The following MICAL3 variants were observed in gnomAD, a reference collection of about 807,000 sequenced individuals.
The protein encoded by MICAL3 is [F-actin]-monooxygenase MICAL3.
MICAL3 carries 62 observed loss-of-function variants against 207.4 expected under a neutral mutation model. That is an observed-to-expected ratio of 0.30 (90% CI 0.24 to 0.37). The LOEUF (loss-of-function observed/expected upper bound fraction) is 0.37. Among genes scored for constraint, MICAL3 ranks in the 10% least tolerant of loss-of-function variants. The pLI is 1.00. For missense variants in MICAL3, 2,368 were observed against 2,635.6 expected (o/e 0.90, Z 2.22); for synonymous variants, 1,077 against 1,069.3 (o/e 1.01, Z -0.14).
chr22:18,017,630 G>A (rs1924146603), intron 1 of MICAL3, among the ~76,000 whole-genome samples: 1 of 151,470 alleles, frequency 6.6e-6, no homozygotes, highest in South Asian at 2.1e-4. Context: ...CTGTCACCTG[G>A]GCTGGAGTAC....
intron 1 of MICAL3, among the ~76,000 whole-genome samples, chr22:18,024,020 G>A (rs183565034): frequency 2.6e-4 from 39 of 152,314 alleles, no homozygotes; most frequent in Middle Eastern, 3.4e-3. Flanking sequence ...CAGGCTCTGG[G>A]GAGTGTGTGG....
At position 17,884,408 on chromosome 22, in the gene MICAL3, CAA is replaced by C. The variant is rs987137437; in HGVS notation, c.2241+1468_2241+1469del. On this transcript the variant is annotated intron_variant, in intron 16 of 31. Transcript: ENST00000441493. Reference sequence around the variant, plus strand: ...GTGGGGACAGGACATGGAGACAAAACAAAATAAAAATACATTAAGGTGGGAGA... The same window carrying C: ...GTGGGGACAGGACATGGAGACAAAACAATAAAAATACATTAAGGTGGGAGA... 3 of 1,394,456 alleles carry C rather than the reference CAA, an allele frequency of 2.2e-6. No individual in the cohort carries two copies. The African/African-American group carries it at 4.5e-5, about 21-fold the overall frequency. The allele number at this position is 1,394,456 out of a possible 1,614,324, so 86.4% of individuals were successfully genotyped here.
intron 1 of MICAL3, among the ~76,000 whole-genome samples, chr22:17,992,806 G>A (rs1201331893): frequency 1.3e-5 from 2 of 152,116 alleles, no homozygotes; most frequent in Non-Finnish European, 2.9e-5. Flanking sequence ...TTTATCTCAC[G>A]GGATTTGGAG....
At position 17,900,869 on chromosome 22, in the gene MICAL3, A is replaced by AT. The variant is rs1931265611; in HGVS notation, c.819dup (p.Phe274IlefsTer12). On this transcript the variant is annotated frameshift_variant, in exon 6 of 32. Coordinates refer to ENST00000441493, the MANE Select transcript of MICAL3 (RefSeq NM_015241.3). LOFTEE classifies it high-confidence loss of function. This position sits in a 1 kb window ranked among gnomAD's most constrained non-coding sequence, Gnocchi z 4.0. Reference sequence around the variant, plus strand: ...GTGGCTTCCCTCAGTTCCTGGAAAAATTTTTGGTTGAATATAAAAGCCACA... The same window carrying AT: ...GTGGCTTCCCTCAGTTCCTGGAAAAATTTTTTGGTTGAATATAAAAGCCACA... 1 of 1,613,782 alleles carries AT rather than the reference A, an allele frequency of 6.2e-7. No individual in the cohort carries two copies. Among genetic ancestry groups the AT allele is most frequent in the African/African-American group, 1.3e-5 (1 of 74,858 alleles).
At chr22:17,976,081 C>T (rs535121733) in intron 1 of MICAL3, among the ~76,000 whole-genome samples, 3 of 152,094 alleles carry the variant, frequency 2.0e-5, no homozygotes, top group Admixed American at 6.5e-5. Context: ...GGCTCAAAGC[C>T]GGAGCAAATA....
intron 22 of MICAL3, 110 bp downstream of exon 22, chr22:17,827,534 G>A (rs544621807): frequency 1.2e-5 from 15 of 1,232,292 alleles, no homozygotes; most frequent in Non-Finnish European, 1.5e-5. Context: ...TGGCTCCCGT[G>A]TGTGACCTCA....
At position 17,841,823 on chromosome 22, in the gene MICAL3, T is replaced by G. The variant is rs962742795; in HGVS notation, c.2800A>C (p.Ser934Arg). Residue 934 changes from serine (S) to arginine (R), a missense_variant and splice_region_variant, in exon 20 of 32, where the codon AGT (serine) becomes CGT (arginine). Transcript: ENST00000441493. This position sits in a 1 kb window ranked among gnomAD's most constrained non-coding sequence, Gnocchi z 4.2. ...CGCCCTGCAGCCCTGCGTGCTGACCTGCTGGCGACGTCCTCCTCGGCGCCC... is the reference window on the plus strand; with the variant it reads ...CGCCCTGCAGCCCTGCGTGCTGACCGGCTGGCGACGTCCTCCTCGGCGCCC... ...DTGAEEDVAS[S>R]SSESEMEEEG... is the part of the protein sequence containing the mutation. 22 of 1,544,920 alleles carry G rather than the reference T, an allele frequency of 1.4e-5. No homozygotes were observed. The highest frequency in any genetic ancestry group is 1.9e-5 in the Non-Finnish European group (22 of 1,147,686).
In MICAL3 at chr22:17,893,856, T is replaced by C. The variant is rs774498938; in HGVS notation, c.1498A>G (p.Met500Val). The C allele has an allele frequency of 3.8e-5, 60 of 1,575,584 alleles. No individual in the cohort carries two copies. The highest frequency in any genetic ancestry group is 4.7e-5 in the Non-Finnish European group (55 of 1,159,126). Residue 500 changes from methionine (M) to valine (V), a missense_variant, in exon 11 of 32, where the codon ATG (methionine) becomes GTG (valine). This residue lies in a region of MICAL3 where 147 missense variants were observed against 137.7 expected (regional missense o/e 1.07). Coordinates refer to ENST00000441493, the MANE Select transcript of MICAL3 (RefSeq NM_015241.3). ...GTTCGGGAATTCACCAGGCTCTCCA[T>C]TTCCAGGTGAATATCTTTTGTTTCG... ...TGETKDIHLEMESLVNSRTTP... is the reference protein window; with the variant it reads ...TGETKDIHLEVESLVNSRTTP...
At chr22:17,829,799 C>T (rs1402477964) in intron 21 of MICAL3, among the ~76,000 whole-genome samples, 2 of 152,270 alleles carry the variant, frequency 1.3e-5, no homozygotes, top group South Asian at 4.1e-4. Context: ...AAAACATATG[C>T]GGCATAGATG....
chr22:18,014,280 A>G (rs1368002775), intron 1 of MICAL3, among the ~76,000 whole-genome samples: 1 of 152,230 alleles, frequency 6.6e-6, no homozygotes, highest in East Asian at 1.9e-4. Flanking sequence ...AAGAATTTTC[A>G]TTCCTGTGAA....
intron 29 of MICAL3, among the ~76,000 whole-genome samples, chr22:17,805,523 GA>G (rs1482195053): frequency 1.3e-5 from 2 of 152,238 alleles, no homozygotes. Flanking sequence ...GGCCCATCTT[GA>G]AAAACAGAAC....
Position 17,817,846 on chromosome 22 carries a change from C to G in MICAL3, c.4815G>C (p.Lys1605Asn). The G allele has an allele frequency of 6.2e-7, 1 of 1,612,100 alleles. No individual in the cohort carries two copies. Among genetic ancestry groups the G allele is most frequent in the East Asian group, 2.2e-5 (1 of 44,830 alleles). Reference protein sequence around the residue: ...ERMRAREKSVKSQALRDAMAR... With the variant: ...ERMRAREKSVNSQALRDAMAR... ...CCATGGCGTCCCGCAGCGCCTGGCT[C>G]TTCACGGACTTCTCCCTGGCTCGCA... is the stretch of plus-strand genomic sequence containing the variant. The change falls in exon 26 of 32, where the codon AAG becomes AAC. Residue 1605 changes from lysine (K) to asparagine (N), a missense_variant. By Grantham distance (94) the Lys-to-Asn change is moderately conservative. Transcript: ENST00000441493.
chr22:17,967,872 CTG>C (rs1569150858), intron 1 of MICAL3, among the ~76,000 whole-genome samples: 1 of 3,178 alleles, frequency 3.1e-4, no homozygotes, highest in African/African-American at 4.6e-3. Flanking sequence ...TGGTGAAACC[CTG>C]TCTACTAAAA....
intron 1 of MICAL3, among the ~76,000 whole-genome samples, chr22:17,983,992 G>A (rs1309269383): frequency 2.6e-5 from 4 of 152,140 alleles, no homozygotes; most frequent in Non-Finnish European, 5.9e-5. Flanking sequence ...GTGACTCTAG[G>A]TGAAGGGTAA....
At chr22:17,956,351 A>C (rs1713328753) in intron 1 of MICAL3, among the ~76,000 whole-genome samples, 1 of 152,198 alleles carries the variant, frequency 6.6e-6, no homozygotes, top group Admixed American at 6.5e-5. Context: ...CAAGCTTTGC[A>C]CTGACACTGC....
At chr22:17,872,772 T>G in intron 16 of MICAL3, 1 of 1,613,030 alleles carries the variant, frequency 6.2e-7, no homozygotes, top group Non-Finnish European at 8.5e-7. Context: ...TAGAAGGGCT[T>G]TGGGTTGTTC....
At chr22:17,980,745 G>A (rs565744536) in intron 1 of MICAL3, 103 of 448,338 alleles carry the variant, frequency 2.3e-4, no homozygotes, top group African/African-American at 1.4e-3. Context: ...CACAGTTTCC[G>A]TCTTATCATT....
chr22:17,924,230 G>A (rs892975649), intron 1 of MICAL3, among the ~76,000 whole-genome samples: 3 of 152,142 alleles, frequency 2.0e-5, no homozygotes, highest in Non-Finnish European at 4.4e-5. Flanking sequence ...GGCCACCAAA[G>A]GACACCGTCA....
intron 1 of MICAL3, among the ~76,000 whole-genome samples, chr22:17,982,884 C>G (rs1159076480): frequency 1.3e-5 from 2 of 152,176 alleles, no homozygotes; most frequent in African/African-American, 4.8e-5. Flanking sequence ...CTTCAACAGT[C>G]TGACTGGGTT....
Sources: allele counts gnomAD v4.1 joint callset (sites outside exome capture counted in the v4.1 genomes callset), GRCh38; gene constraint gnomAD v4.1.1; regional missense constraint gnomAD v4.1.1; non-coding constraint Gnocchi (gnomAD v3.1); transcripts MANE v1.5; gene names NCBI Gene and HGNC (gene_info 2026-07-23, HGNC 2026-07-21).